HIPK2: variants seen among roughly 807,000 people sequenced by gnomAD.
The protein encoded by HIPK2 is homeodomain-interacting protein kinase 2.
A neutral mutation model predicts 113.7 loss-of-function variants in HIPK2; 27 were observed. That is an observed-to-expected ratio of 0.24 (90% CI 0.17 to 0.33). The LOEUF is 0.33. Among genes scored for constraint, HIPK2 ranks in the 10% least tolerant of loss-of-function variants. The probability of loss-of-function intolerance (pLI) is 1.00; values close to 1 mark genes in which losing one functional copy is unlikely to be tolerated. For missense variants in HIPK2, 1,257 were observed against 1,588.0 expected (o/e 0.79, Z 3.54); for synonymous variants, 631 against 642.2 (o/e 0.98, Z 0.26).
intron 1 of HIPK2, among the ~76,000 whole-genome samples, chr7:139,724,539 T>A (rs1795511952): frequency 6.6e-6 from 1 of 152,110 alleles, no homozygotes; most frequent in Non-Finnish European, 1.5e-5. Context: ...TTTTTTTTTA[T>A]TATTATTATA....
rs560498728 is a variant in HIPK2, at chr7:139,668,351, G to A, written c.1104-36626C>T. On this transcript the variant is annotated intron_variant, in intron 2 of 14. Transcript: ENST00000406875. ...CCGAGGTGGGTGGATCACGAGGTCA[G>A]GAGATCAAGACCATCCTGGCTAACA... Among the ~76,000 whole-genome samples the A allele has an allele frequency of 2.0e-5, 3 of 152,232 alleles. No homozygotes were observed. In the South Asian group the frequency reaches 6.2e-4, roughly 32 times the overall value.
At position 139,716,538 on chromosome 7, in the gene HIPK2, G is replaced by A; in HGVS notation, c.497C>T (p.Ala166Val). ...TTTGGAGGTGGCAGTAGACGTGGTG[G>A]CAGTGGCGACAGTGGCCCCGCTTGC... ...NNASGATVAT[A>V]TTSTATSKNS... Residue 166 changes from alanine to valine, a missense_variant, in exon 2 of 15, where the codon GCC (alanine) becomes GTC (valine). Transcript: ENST00000406875. This position sits in a 1 kb window ranked among gnomAD's most constrained non-coding sequence, Gnocchi z 9.3. 6.2e-7 allele frequency: 1 copy of A among 1,614,034 alleles called. No homozygotes were observed. The highest frequency in any genetic ancestry group is 8.5e-7 in the Non-Finnish European group (1 of 1,179,904).
At chr7:139,760,013 T>C (rs1439282033) in intron 1 of HIPK2, among the ~76,000 whole-genome samples, 1 of 151,984 alleles carries the variant, frequency 6.6e-6, no homozygotes, top group Non-Finnish European at 1.5e-5. Context: ...TTGTTTTTTT[T>C]TTTTTCTGAG....
At chr7:139,724,739 T>G (rs2116996291) in intron 1 of HIPK2, among the ~76,000 whole-genome samples, 1 of 138,326 alleles carries the variant, frequency 7.2e-6, no homozygotes, top group African/African-American at 2.7e-5. Flanking sequence ...TGTCCATGTG[T>G]TCTCACTGTT....
intron 2 of HIPK2, among the ~76,000 whole-genome samples, chr7:139,671,832 G>A (rs149007359): frequency 3.9e-4 from 59 of 152,294 alleles, no homozygotes; most frequent in African/African-American, 1.4e-3. Flanking sequence ...ATAGGTGTGC[G>A]CCACTGCACC....
chr7:139,698,061 C>T (rs970302076), intron 2 of HIPK2, among the ~76,000 whole-genome samples: 3,615 of 152,106 alleles, frequency 0.024, 132 homozygotes, highest in African/African-American at 0.082. Flanking sequence ...GACAAGGTTT[C>T]GTTATGTTGG....
chr7:139,579,057 G>T (rs1798582830), intron 13 of HIPK2, among the ~76,000 whole-genome samples: 1 of 152,214 alleles, frequency 6.6e-6, no homozygotes, highest in African/African-American at 2.4e-5. Context: ...GCGTAAGGAA[G>T]CCCTAGGAGA....
At chr7:139,676,502 C>T (rs1802498889) in intron 2 of HIPK2, among the ~76,000 whole-genome samples, 1 of 152,222 alleles carries the variant, frequency 6.6e-6, no homozygotes, top group Admixed American at 6.5e-5. Context: ...TGGTTACCCA[C>T]CATGTGCCAA....
chr7:139,678,122 C>T (rs1003107707), intron 2 of HIPK2, among the ~76,000 whole-genome samples: 1 of 151,956 alleles, frequency 6.6e-6, no homozygotes, highest in African/African-American at 2.4e-5. Context: ...GGATATTAGC[C>T]CTTTGTCAGA....
At chr7:139,704,675 T>C (rs1370449292) in intron 2 of HIPK2, among the ~76,000 whole-genome samples, 1 of 152,192 alleles carries the variant, frequency 6.6e-6, no homozygotes, top group African/African-American at 2.4e-5. Context: ...AACAGGCTCT[T>C]TGGCATCACT....
intron 2 of HIPK2, among the ~76,000 whole-genome samples, chr7:139,686,489 A>C (rs978695603): frequency 6.6e-6 from 1 of 152,084 alleles, no homozygotes; most frequent in African/African-American, 2.4e-5. Context: ...ACCTGGTGGG[A>C]GGTAATTGAA....
At chr7:139,672,202 A>C (rs1802327510) in intron 2 of HIPK2, among the ~76,000 whole-genome samples, 3 of 152,192 alleles carry the variant, frequency 2.0e-5, no homozygotes, top group Admixed American at 1.3e-4. Context: ...CCCTGCCCTC[A>C]CGGAATTTAC....
At chr7:139,585,571 G>A (rs2116563764) in intron 12 of HIPK2, among the ~76,000 whole-genome samples, 1 of 152,318 alleles carries the variant, frequency 6.6e-6, no homozygotes, top group Non-Finnish European at 1.5e-5. Context: ...ACAGGGCGGT[G>A]GGCAGCTATT....
chr7:139,576,817 G>A (rs1308317542), intron 13 of HIPK2, among the ~76,000 whole-genome samples: 1 of 152,246 alleles, frequency 6.6e-6, no homozygotes, highest in African/African-American at 2.4e-5. Flanking sequence ...CAGCCCAGCA[G>A]GGGCAAGAGC....
intron 2 of HIPK2, among the ~76,000 whole-genome samples, chr7:139,650,867 C>A (rs1801433438): frequency 6.6e-6 from 1 of 152,220 alleles, no homozygotes; most frequent in African/African-American, 2.4e-5. Flanking sequence ...CACCCTCCAG[C>A]CCCAGTCACG....
chr7:139,762,721 T>C (rs140912071), intron 1 of HIPK2, among the ~76,000 whole-genome samples: 205 of 152,348 alleles, frequency 1.3e-3, no homozygotes, highest in African/African-American at 4.6e-3. Flanking sequence ...GTACAATCAT[T>C]CACTGATTTG....
chr7:139,721,747 G>A (rs553191865), intron 1 of HIPK2, among the ~76,000 whole-genome samples: 172 of 152,112 alleles, frequency 1.1e-3, no homozygotes, highest in African/African-American at 3.9e-3. Flanking sequence ...CCTTCTAGGT[G>A]AGAGACCAGG....
At chr7:139,730,134 A>G (rs1414331751) in intron 1 of HIPK2, among the ~76,000 whole-genome samples, 1 of 152,234 alleles carries the variant, frequency 6.6e-6, no homozygotes, top group Non-Finnish European at 1.5e-5. Context: ...CTTCTGAGCA[A>G]GAGTGAATTT....
At chr7:139,574,298 C>T (rs1798415173) in intron 14 of HIPK2, among the ~76,000 whole-genome samples, 7 of 151,992 alleles carry the variant, frequency 4.6e-5, no homozygotes, top group Admixed American at 4.6e-4. Flanking sequence ...TACTTGAGTC[C>T]AGGAGGCAGA....
Sources: allele counts gnomAD v4.1 joint callset (sites outside exome capture counted in the v4.1 genomes callset), GRCh38; gene constraint gnomAD v4.1.1; non-coding constraint Gnocchi (gnomAD v3.1); transcripts MANE v1.5; gene names NCBI Gene and HGNC (gene_info 2026-07-23, HGNC 2026-07-21).